The following TTC28 variants were observed in gnomAD, a reference collection of about 807,000 sequenced individuals.
The protein encoded by TTC28 is tetratricopeptide repeat domain 28, also known as tetratricopeptide repeat protein 28.
In TTC28, 61 loss-of-function variants were observed where a neutral mutation model predicts 198.0. That is an observed-to-expected ratio of 0.31 (90% CI 0.25 to 0.38). The LOEUF is 0.38. Ranked by LOEUF, TTC28 falls within the 10% of genes least tolerant of loss-of-function variation. TTC28 has a pLI of 1.00. For synonymous variants in TTC28, 1,171 were observed against 1,297.8 expected (o/e 0.90, Z 2.10); for missense variants, 2,678 against 3,164.0 (o/e 0.85, Z 3.69).
intron 6 of TTC28, among the ~76,000 whole-genome samples, chr22:28,151,971 A>C (rs1474686442): frequency 6.6e-6 from 1 of 152,156 alleles, no homozygotes; most frequent in South Asian, 2.1e-4. Flanking sequence ...TAGAAGAACT[A>C]ACTGGTCAAT....
chr22:28,358,386 C>T (rs1371010487), intron 2 of TTC28, among the ~76,000 whole-genome samples: 1 of 152,146 alleles, frequency 6.6e-6, no homozygotes, highest in Non-Finnish European at 1.5e-5. Context: ...TTATCCATCT[C>T]GAGGTAGAAA....
intron 2 of TTC28, among the ~76,000 whole-genome samples, chr22:28,586,485 G>A (rs921376630): frequency 6.6e-6 from 1 of 152,010 alleles, no homozygotes; most frequent in African/African-American, 2.4e-5. Context: ...TGGAAAGATA[G>A]ACATCAAGTG....
At chr22:28,147,603 A>G (rs1276540757) in intron 6 of TTC28, among the ~76,000 whole-genome samples, 6 of 152,072 alleles carry the variant, frequency 3.9e-5, no homozygotes, top group African/African-American at 1.4e-4. Context: ...CTAGGCCCAC[A>G]CCCCAGCTCT....
chr22:28,206,649 C>CTT (rs1418039380), intron 5 of TTC28, among the ~76,000 whole-genome samples: 3 of 152,150 alleles, frequency 2.0e-5, no homozygotes, highest in Admixed American at 1.3e-4. Context: ...AGGAGCTACA[C>CTT]TTTGCCTTGA....
rs1477511895 is a variant in TTC28 at position 28,402,697 on chromosome 22, C to T, written c.382-96054G>A. Among the ~76,000 whole-genome samples the T allele has an allele frequency of 2.0e-5, 3 of 152,324 alleles. No homozygotes were observed. The East Asian group carries it at 5.8e-4, about 29-fold the overall frequency. On this transcript the variant is annotated intron_variant, in intron 2 of 22. Transcript: ENST00000397906. ...ATTCTCGGCAAGTTACTGACCCACTCTTAAGACTCAGTTTCTTCCGCTCTC... is the reference window on the plus strand; with the variant it reads ...ATTCTCGGCAAGTTACTGACCCACTTTTAAGACTCAGTTTCTTCCGCTCTC...
At chr22:28,011,316 C>G (rs1272333772) in intron 14 of TTC28, among the ~76,000 whole-genome samples, 1 of 152,202 alleles carries the variant, frequency 6.6e-6, no homozygotes, top group Non-Finnish European at 1.5e-5. Flanking sequence ...TATATTTTCG[C>G]TGGGCATGGT....
At chr22:28,021,318 C>T (rs1601525391) in intron 13 of TTC28, among the ~76,000 whole-genome samples, 1 of 152,268 alleles carries the variant, frequency 6.6e-6, no homozygotes, top group East Asian at 1.9e-4. Flanking sequence ...CTGGCTGGGG[C>T]TGTCTGCTCC....
chr22:28,225,895 C>G lies in TTC28; in HGVS notation c.934-62296G>C, dbSNP rs116182757. Among the ~76,000 whole-genome samples, 869 of 152,322 alleles carry G rather than the reference C, an allele frequency of 5.7e-3. 14 individuals are homozygous for G. The highest frequency in any genetic ancestry group is 0.02 in the African/African-American group (834 of 41,572). On this transcript the variant is annotated intron_variant, in intron 5 of 22. Coordinates refer to ENST00000397906, the MANE Select transcript of TTC28 (RefSeq NM_001145418.2). Reference sequence around the variant, plus strand: ...TAAGTGAAATCATTTTGTAGATACTCTGTCTTTGTTGGGCTTCTTTCACTC... The same window carrying G: ...TAAGTGAAATCATTTTGTAGATACTGTGTCTTTGTTGGGCTTCTTTCACTC...
At chr22:28,645,292 A>G (rs564838362) in intron 1 of TTC28, among the ~76,000 whole-genome samples, 1 of 152,148 alleles carries the variant, frequency 6.6e-6, no homozygotes, top group Non-Finnish European at 1.5e-5. Flanking sequence ...AGATGCAAAA[A>G]TCCTCAACAA....
intron 2 of TTC28, among the ~76,000 whole-genome samples, chr22:28,394,035 A>G (rs1282999226): frequency 1.3e-5 from 2 of 152,160 alleles, no homozygotes; most frequent in African/African-American, 4.8e-5. Context: ...ACGCCAGCTC[A>G]GGGTTCACTT....
intron 2 of TTC28, among the ~76,000 whole-genome samples, chr22:28,465,035 C>A (rs970886247): frequency 6.6e-6 from 1 of 152,154 alleles, no homozygotes; most frequent in Admixed American, 6.5e-5. Flanking sequence ...GATTTCTGTA[C>A]CTCTGTGTGT....
intron 12 of TTC28, among the ~76,000 whole-genome samples, chr22:28,077,803 C>T (rs1941216443): frequency 6.6e-6 from 1 of 152,172 alleles, no homozygotes; most frequent in Admixed American, 6.5e-5. Context: ...AATAAAGGAA[C>T]ATTTACCCCA....
At chr22:28,267,309 AAGGTTTCTCCAGT>A (rs1245821419) in intron 5 of TTC28, among the ~76,000 whole-genome samples, 1 of 152,198 alleles carries the variant, frequency 6.6e-6, no homozygotes, top group Non-Finnish European at 1.5e-5. Context: ...ATTTCCTGGC[AAGGTTTCTCCAGT>A]AGGTTTCTCA....
At chr22:28,591,222 C>T (rs550863266) in intron 2 of TTC28, among the ~76,000 whole-genome samples, 1 of 150,952 alleles carries the variant, frequency 6.6e-6, no homozygotes, top group Non-Finnish European at 1.5e-5. Flanking sequence ...GATCCTCCTA[C>T]CTCAGCCTCC....
intron 6 of TTC28, among the ~76,000 whole-genome samples, chr22:28,122,971 G>A (rs1428638699): frequency 2.0e-5 from 3 of 152,118 alleles, no homozygotes; most frequent in African/African-American, 4.8e-5. Context: ...CTGGACAAGC[G>A]ATTTTATTGA....
At chr22:28,261,752 G>A (rs1197045648) in intron 5 of TTC28, among the ~76,000 whole-genome samples, 1 of 152,056 alleles carries the variant, frequency 6.6e-6, no homozygotes. Flanking sequence ...ACTGGGTCTC[G>A]CTATATTGCT....
At chr22:28,509,019 C>T (rs1403339621) in intron 2 of TTC28, among the ~76,000 whole-genome samples, 1 of 151,958 alleles carries the variant, frequency 6.6e-6, no homozygotes, top group Non-Finnish European at 1.5e-5. Flanking sequence ...AGCGAAACCG[C>T]ATCTCTACTA....
intron 2 of TTC28, among the ~76,000 whole-genome samples, chr22:28,595,185 T>C (rs897058053): frequency 6.6e-6 from 1 of 152,180 alleles, no homozygotes; most frequent in Non-Finnish European, 1.5e-5. Context: ...ATACACCATT[T>C]TGCATTTTCA....
At chr22:28,161,957 T>C (rs1442994035) in intron 6 of TTC28, among the ~76,000 whole-genome samples, 1 of 152,110 alleles carries the variant, frequency 6.6e-6, no homozygotes, top group African/African-American at 2.4e-5. Context: ...TACATTCTGC[T>C]GCTACTCATA....
Sources: gnomAD v4.1 joint callset for allele counts (sites outside exome capture counted in the v4.1 genomes callset) on GRCh38, gnomAD v4.1.1 for gene constraint, MANE v1.5 for transcripts, NCBI Gene and HGNC (gene_info 2026-07-23, HGNC 2026-07-21) for gene names.